The following KIF4A variants were observed in gnomAD, a reference collection of about 807,000 sequenced individuals.
KIF4A encodes the protein chromosome-associated kinesin KIF4A.
KIF4A carries 7 observed loss-of-function variants against 105.9 expected under a neutral mutation model. The ratio of observed to expected loss-of-function variants is 0.07; its 90% CI spans 0.04 to 0.12. KIF4A has a LOEUF of 0.12. KIF4A is among the 10% of genes least tolerant of loss of function. The pLI is 1.00. For synonymous variants in KIF4A, 281 were observed against 331.3 expected (o/e 0.85, Z 1.65); for missense variants, 558 against 929.2 (o/e 0.60, Z 5.19).
At position 70,301,530 on chromosome X, in the gene KIF4A, TA is replaced by T. The variant is rs1274583303; in HGVS notation, c.517-369del. On this transcript the variant is annotated intron_variant, in intron 5 of 30. Transcript: ENST00000374403. ...GTACAGAGAGGAGCATGGGGTCAGA[TA>T]GGGGTGAAAGTAACAAAGAGAAATG... is the stretch of plus-strand genomic sequence containing the variant. Among the ~76,000 whole-genome samples the T allele has an allele frequency of 2.7e-5, 3 of 111,511 alleles. No individual in the cohort carries two copies. The Admixed American group carries it at 2.9e-4, about 11-fold the overall frequency.
intron 15 of KIF4A, among the ~76,000 whole-genome samples, chrX:70,361,978 T>G (rs1245132136): frequency 8.9e-6 from 1 of 112,159 alleles, no homozygotes; most frequent in African/African-American, 3.2e-5. Flanking sequence ...GAAAGTTAAC[T>G]GCAAAACCAG....
chrX:70,352,709 A>C (rs1450911594), intron 14 of KIF4A, 53 bp downstream of exon 14: 4 of 818,985 alleles, frequency 4.9e-6, no homozygotes, highest in Non-Finnish European at 7.2e-6. Context: ...GCCGTTTCCT[A>C]TAATTTATCA....
At chrX:70,371,738 C>G (rs1383271171) in intron 15 of KIF4A, among the ~76,000 whole-genome samples, 3 of 108,763 alleles carry the variant, frequency 2.8e-5, no homozygotes, top group Non-Finnish European at 5.8e-5. Flanking sequence ...GGGGCGGCTG[C>G]TGGGCGGAGA....
chrX:70,293,682 C>T (rs751654240), intron 3 of KIF4A, among the ~76,000 whole-genome samples: 14 of 111,819 alleles, frequency 1.3e-4, no homozygotes, highest in African/African-American at 4.2e-4. Context: ...ATACTGTAGG[C>T]GGTTGTAACA....
intron 7 of KIF4A, among the ~76,000 whole-genome samples, chrX:70,323,810 A>T (rs866914431): frequency 1.1e-5 from 1 of 94,610 alleles, no homozygotes; most frequent in Non-Finnish European, 2.1e-5. Context: ...CTGGCATTTA[A>T]TATTTATTTA....
At chrX:70,315,846 A>G (rs2085867280) in intron 7 of KIF4A, among the ~76,000 whole-genome samples, 1 of 112,113 alleles carries the variant, frequency 8.9e-6, no homozygotes, top group Non-Finnish European at 1.9e-5. Context: ...TCACATAAGC[A>G]GTATTGACTT....
intron 23 of KIF4A, 100 bp from the exon 24 acceptor site, chrX:70,403,764 T>G: frequency 1.3e-6 from 1 of 770,568 alleles, no homozygotes; most frequent in Non-Finnish European, 1.8e-6. Flanking sequence ...GGAATTTTTC[T>G]CAGACCCTTT....
chrX:70,419,531 C>T, intron 29 of KIF4A, 130 bp from the exon 30 acceptor site: 1 of 757,511 alleles, frequency 1.3e-6, no homozygotes, highest in Non-Finnish European at 2.0e-6. Flanking sequence ...CCAAGCAGGG[C>T]CTCCCTAAGA....
At chrX:70,299,525 G>A (rs1445651028) in intron 5 of KIF4A, among the ~76,000 whole-genome samples, 1 of 111,425 alleles carries the variant, frequency 9.0e-6, no homozygotes, top group African/African-American at 3.3e-5. Context: ...AAATTTAAAT[G>A]AATTAAAATT....
At chrX:70,348,554 T>C (rs1443588040) in intron 13 of KIF4A, among the ~76,000 whole-genome samples, 1 of 110,764 alleles carries the variant, frequency 9.0e-6, no homozygotes, top group East Asian at 2.8e-4. Flanking sequence ...TGATGATGAC[T>C]CTTAACGAGC....
intron 16 of KIF4A, among the ~76,000 whole-genome samples, chrX:70,374,772 C>T (rs775290988): frequency 4.1e-4 from 46 of 112,039 alleles, no homozygotes; most frequent in Middle Eastern, 9.2e-3. Context: ...AGACCTCTGC[C>T]GTATGGGCTA....
chrX:70,338,793 AAG>A (rs768564102), intron 10 of KIF4A, among the ~76,000 whole-genome samples: 1 of 111,874 alleles, frequency 8.9e-6, no homozygotes, highest in Non-Finnish European at 1.9e-5. Context: ...CCAGGGTTAA[AAG>A]AGGAATTCAG....
At chrX:70,341,544 A>G (rs1039622295) in intron 10 of KIF4A, among the ~76,000 whole-genome samples, 9 of 111,483 alleles carry the variant, frequency 8.1e-5, no homozygotes, top group Non-Finnish European at 1.5e-4. Flanking sequence ...TCCTGTTGCA[A>G]CCGTATCTGG....
intron 20 of KIF4A, among the ~76,000 whole-genome samples, chrX:70,393,805 CTTTCTT>C (rs2086247008): frequency 4.0e-4 from 1 of 2,528 alleles, no homozygotes; most frequent in African/African-American, 5.5e-4. Context: ...TTTTCTCTTT[CTTTCTT>C]TCTTTCTTTC....
intron 22 of KIF4A, among the ~76,000 whole-genome samples, chrX:70,400,988 C>T (rs1450180349): frequency 2.8e-5 from 3 of 108,268 alleles, no homozygotes; most frequent in African/African-American, 1.0e-4. Context: ...AGGCTGGTCT[C>T]GCTCCTGACC....
At chrX:70,351,316 T>C (rs1218199367) in intron 13 of KIF4A, among the ~76,000 whole-genome samples, 1 of 112,334 alleles carries the variant, frequency 8.9e-6, no homozygotes, top group Non-Finnish European at 1.9e-5. Flanking sequence ...CCTTTCACTC[T>C]TCCAAGTCTC....
intron 15 of KIF4A, among the ~76,000 whole-genome samples, chrX:70,354,149 G>A (rs1366446395): frequency 8.9e-6 from 1 of 112,751 alleles, no homozygotes; most frequent in Admixed American, 9.4e-5. Context: ...CTGGGTTATA[G>A]TATGAATTAT....
intron 18 of KIF4A, among the ~76,000 whole-genome samples, chrX:70,382,931 T>C (rs899934719): frequency 3.6e-5 from 4 of 111,522 alleles, no homozygotes; most frequent in Admixed American, 9.5e-5. Flanking sequence ...ACACCTGTAA[T>C]CCCAGCACTT....
chrX:70,407,913 C>A (rs1183605634), intron 28 of KIF4A, among the ~76,000 whole-genome samples: 1 of 111,056 alleles, frequency 9.0e-6, no homozygotes, highest in East Asian at 2.8e-4. Flanking sequence ...ACTAAAAATA[C>A]AAAATTAGCT....
Sources: gnomAD v4.1 joint callset for allele counts (sites outside exome capture counted in the v4.1 genomes callset) on GRCh38, gnomAD v4.1.1 for gene constraint, MANE v1.5 for transcripts, NCBI Gene and HGNC (gene_info 2026-07-23, HGNC 2026-07-21) for gene names.